Variants in RAB38 observed in about 807,000 individuals in gnomAD.
RAB38 encodes ras-related protein Rab-38.
Under a neutral mutation model 18.4 loss-of-function variants are expected in RAB38, and 15 were observed. The observed-to-expected ratio is 0.82, with a 90% CI of 0.55 to 1.26. RAB38 has a LOEUF of 1.26. RAB38 is among the 50% of genes most tolerant of loss of function. The pLI is 0.00. For synonymous variants in RAB38, 101 were observed against 104.4 expected, an observed-to-expected ratio of 0.97 and a Z score of 0.20; for missense variants, 294 against 267.4, an observed-to-expected ratio of 1.10 and a Z score of -0.69.
chr11:88,099,921 G>T, the RAB38 span: 1 of 151,654 alleles, frequency 6.6e-6, no homozygotes, highest in East Asian at 1.9e-4. Context: ...CTTCAAATAG[G>T]TTATCTCATT....
the RAB38 span, among the ~76,000 whole-genome samples, chr11:87,858,786 G>A: frequency 6.6e-6 from 1 of 151,902 alleles, no homozygotes; most frequent in Admixed American, 6.6e-5. Flanking sequence ...TCATTGTCAA[G>A]GTCCTAACTT....
chr11:88,125,539 T>C (rs1021232354), intron 2 of RAB38, among the ~76,000 whole-genome samples: 2 of 152,230 alleles, frequency 1.3e-5, no homozygotes, highest in Admixed American at 1.3e-4. Context: ...ATTTATTTAA[T>C]GTGAAGGGAA....
intron 1 of RAB38, chr11:88,173,534 T>C (rs1943336319): frequency 1.0e-6 from 1 of 985,406 alleles, no homozygotes; most frequent in African/African-American, 1.7e-5. Context: ...GAGACTGAAA[T>C]CTACAGACAT....
At chr11:87,925,304 A>T in the RAB38 span, among the ~76,000 whole-genome samples, 2 of 151,994 alleles carry the variant, frequency 1.3e-5, no homozygotes, top group African/African-American at 4.8e-5. Flanking sequence ...TTCTCTTATC[A>T]CCTGCCCAAT....
At chr11:87,846,450 T>C in the RAB38 span, among the ~76,000 whole-genome samples, 2 of 152,074 alleles carry the variant, frequency 1.3e-5, 1 homozygote, top group Middle Eastern at 6.4e-3. Context: ...TTAGTGGCTA[T>C]GCTAATATCA....
At chr11:87,972,875 T>C in the RAB38 span, among the ~76,000 whole-genome samples, 1 of 152,122 alleles carries the variant, frequency 6.6e-6, no homozygotes, top group African/African-American at 2.4e-5. Context: ...TGGTAAGCAG[T>C]GATTGGATCA....
At chr11:87,805,329 C>G in the RAB38 span, among the ~76,000 whole-genome samples, 8 of 152,034 alleles carry the variant, frequency 5.3e-5, no homozygotes, top group Non-Finnish European at 1.0e-4. Context: ...CACATATTCA[C>G]AGGTACACAC....
chr11:87,911,057 G>A, the RAB38 span, among the ~76,000 whole-genome samples: 1 of 151,910 alleles, frequency 6.6e-6, no homozygotes, highest in East Asian at 1.9e-4. Flanking sequence ...GCTTGCACTT[G>A]TGTCTTTGTC....
chr11:87,932,572 A>T, the RAB38 span, among the ~76,000 whole-genome samples: 1 of 152,108 alleles, frequency 6.6e-6, no homozygotes, highest in East Asian at 1.9e-4. Flanking sequence ...ATTTTTGCCC[A>T]GAAAAATAAG....
chr11:88,045,422 G>A, the RAB38 span, among the ~76,000 whole-genome samples: 17 of 152,168 alleles, frequency 1.1e-4, no homozygotes, highest in Non-Finnish European at 1.9e-4. Flanking sequence ...GAACTGCGGC[G>A]GCCAGGCATT....
the RAB38 span, among the ~76,000 whole-genome samples, chr11:87,935,197 C>A: frequency 1.3e-5 from 2 of 152,212 alleles, no homozygotes; most frequent in East Asian, 1.9e-4. Flanking sequence ...TAAAAAACGT[C>A]TCCTCAGTCA....
the RAB38 span, among the ~76,000 whole-genome samples, chr11:88,048,267 C>T: frequency 5.9e-5 from 9 of 152,180 alleles, no homozygotes; most frequent in South Asian, 2.1e-4. Flanking sequence ...AAGGCCACCA[C>T]GGTCATTTCT....
At chr11:87,898,969 A>G in the RAB38 span, among the ~76,000 whole-genome samples, 2 of 151,644 alleles carry the variant, frequency 1.3e-5, no homozygotes, top group African/African-American at 4.8e-5. Context: ...CCTGTTTCTT[A>G]ATGCAAATAC....
At chr11:88,007,510 AATT>A in the RAB38 span, among the ~76,000 whole-genome samples, 4 of 152,014 alleles carry the variant, frequency 2.6e-5, no homozygotes, top group African/African-American at 4.8e-5. Flanking sequence ...TTAAATTATA[AATT>A]ATTAGCCAAA....
the RAB38 span, among the ~76,000 whole-genome samples, chr11:87,828,116 A>C: frequency 2.0e-5 from 3 of 152,220 alleles, no homozygotes; most frequent in Non-Finnish European, 4.4e-5. Flanking sequence ...CTATCTTTGC[A>C]ACATTTTTGT....
the RAB38 span, among the ~76,000 whole-genome samples, chr11:87,874,778 A>T: frequency 1.3e-5 from 2 of 151,746 alleles, no homozygotes; most frequent in Middle Eastern, 3.4e-3. Flanking sequence ...AATACCTTTT[A>T]TCAAAAAGAT....
chr11:87,956,985 G>GT, the RAB38 span, among the ~76,000 whole-genome samples: 2 of 151,050 alleles, frequency 1.3e-5, no homozygotes, highest in African/African-American at 2.4e-5. Flanking sequence ...CAGTTTTTTG[G>GT]GGGGGGGTCC....
chr11:87,955,152 GCCACATTGGCACACACTCTT>G, the RAB38 span, among the ~76,000 whole-genome samples: 2 of 151,960 alleles, frequency 1.3e-5, no homozygotes, highest in Non-Finnish European at 2.9e-5. Context: ...GTCCATGAAA[GCCACATTGGCACACACTCTT>G]CCACATTGGT....
the RAB38 span, among the ~76,000 whole-genome samples, chr11:88,072,463 A>G: frequency 1.3e-5 from 2 of 152,232 alleles, no homozygotes; most frequent in African/African-American, 4.8e-5. Flanking sequence ...TTTTATGCAC[A>G]TGCAATTGAA....
Sources: allele counts gnomAD v4.1 joint callset (sites outside exome capture counted in the v4.1 genomes callset), GRCh38; gene constraint gnomAD v4.1.1; transcripts MANE v1.5; gene names NCBI Gene and HGNC (gene_info 2026-07-23, HGNC 2026-07-21).